ZNF385D: variants seen among roughly 807,000 people sequenced by gnomAD.
The protein encoded by ZNF385D is zinc finger protein 659.
Under a neutral mutation model 35.8 loss-of-function variants are expected in ZNF385D, and 15 were observed. That is an observed-to-expected ratio of 0.42 (90% CI 0.28 to 0.64). ZNF385D has a LOEUF of 0.64. Among genes scored for constraint, ZNF385D ranks in the 30% least tolerant of loss-of-function variants. The pLI is 0.23. For synonymous variants in ZNF385D, 212 were observed against 186.8 expected (o/e 1.13, Z -1.10); for missense variants, 474 against 494.6 (o/e 0.96, Z 0.39).
At chr3:21,926,477 T>C (rs1700735596) in intron 3 of ZNF385D, among the ~76,000 whole-genome samples, 1 of 152,202 alleles carries the variant, frequency 6.6e-6, no homozygotes, top group Admixed American at 6.5e-5. Context: ...TCCTTTTTTA[T>C]GGCTGCATAG....
chr3:21,761,561 A>G (rs1180878240), intron 3 of ZNF385D, among the ~76,000 whole-genome samples: 1 of 152,148 alleles, frequency 6.6e-6, no homozygotes, highest in Non-Finnish European at 1.5e-5. Flanking sequence ...AAGGTCATCA[A>G]TCAATGCAAG....
At chr3:22,112,854 CAG>C (rs1702609030) in intron 3 of ZNF385D, among the ~76,000 whole-genome samples, 2 of 151,224 alleles carry the variant, frequency 1.3e-5, no homozygotes, top group Admixed American at 1.3e-4. Context: ...GGAAAAAAAA[CAG>C]AAGCAATTTT....
chr3:22,177,853 G>A (rs1312831587), intron 2 of ZNF385D, among the ~76,000 whole-genome samples: 1 of 152,048 alleles, frequency 6.6e-6, no homozygotes, highest in Non-Finnish European at 1.5e-5. Flanking sequence ...TTGTCCTTGT[G>A]ATAGTTTGCT....
rs539056219 is a variant in ZNF385D, at chr3:22,062,064, G to A, written c.325+106753C>T. 2.0e-5 allele frequency among the ~76,000 whole-genome samples: 3 copies of A among 152,158 alleles called. No individual in the cohort carries two copies. The South Asian group carries it at 6.2e-4, about 32-fold the overall frequency. On this transcript the variant is annotated intron_variant, in intron 3 of 5. Coordinates refer to the ZNF385D transcript ENST00000494108. ...AATTTTAATTTATTTTTGAGGCAAG[G>A]TCTTGTTCTGTTGCCCAGGCTGGAG... is the stretch of plus-strand genomic sequence containing the variant.
intron 3 of ZNF385D, among the ~76,000 whole-genome samples, chr3:21,796,079 G>A (rs2072137879): frequency 6.6e-6 from 1 of 152,178 alleles, no homozygotes; most frequent in African/African-American, 2.4e-5. Context: ...TTTGGATCTC[G>A]ACACTATGAA....
chr3:21,992,793 AT>A (rs1311122501), intron 3 of ZNF385D, among the ~76,000 whole-genome samples: 2 of 152,112 alleles, frequency 1.3e-5, no homozygotes, highest in Non-Finnish European at 2.9e-5. Context: ...CTTGTTAAAT[AT>A]TTATGTTGTT....
chr3:22,004,693 A>G lies in ZNF385D; in HGVS notation c.325+164124T>C, dbSNP rs115596281. ...CAAAGGACAGACAGAACTCAAAGTC[A>G]TCCTTCTGCTCACTGAGATAAATGC... On this transcript the variant is annotated intron_variant, in intron 3 of 5. Coordinates refer to the ZNF385D transcript ENST00000494108. Among the ~76,000 whole-genome samples the G allele has an allele frequency of 7.5e-3, 1,145 of 152,308 alleles. 6 individuals carry two copies. Among genetic ancestry groups the G allele is most frequent in the South Asian group, 0.012 (59 of 4,830 alleles).
Position 21,624,196 on chromosome 3 carries a change from T to A in ZNF385D, c.165+40690A>T, listed in dbSNP as rs569240412. Among the ~76,000 whole-genome samples the A allele has an allele frequency of 3.3e-5, 5 of 152,216 alleles. No homozygotes were observed. In the South Asian group the frequency reaches 8.3e-4, roughly 25 times the overall value. The stretch of plus-strand genomic sequence containing the variant: ...ATGCCTCTATTCATAAAAGTGCTCT[T>A]GATTGCCATCACAACACAGTTTTGG... On this transcript the variant is annotated intron_variant, in intron 2 of 7. Coordinates refer to ENST00000281523, the MANE Select transcript of ZNF385D (RefSeq NM_024697.3).
chr3:22,253,782 T>A (rs1559480904), intron 2 of ZNF385D, among the ~76,000 whole-genome samples: 6 of 151,942 alleles, frequency 3.9e-5, no homozygotes, highest in Non-Finnish European at 8.8e-5. Context: ...TGAAGCAGTA[T>A]AGCATTAGTA....
intron 1 of ZNF385D, among the ~76,000 whole-genome samples, chr3:21,673,176 T>C (rs992672811): frequency 7.2e-5 from 11 of 152,160 alleles, no homozygotes; most frequent in Admixed American, 5.2e-4. Flanking sequence ...AGAGGTATCA[T>C]GCTGGGATGT....
At chr3:22,035,383 G>A (rs1466713699) in intron 3 of ZNF385D, among the ~76,000 whole-genome samples, 1 of 152,140 alleles carries the variant, frequency 6.6e-6, no homozygotes, top group Non-Finnish European at 1.5e-5. Context: ...TAAGCAAAAT[G>A]TTGCACTAAA....
chr3:22,166,073 C>T (rs900574534), intron 3 of ZNF385D, among the ~76,000 whole-genome samples: 1 of 127,588 alleles, frequency 7.8e-6, no homozygotes. Flanking sequence ...CCATTCTTGA[C>T]TTTTCTCATC....
At chr3:21,632,874 C>A (rs1258220017) in intron 2 of ZNF385D, among the ~76,000 whole-genome samples, 1 of 152,050 alleles carries the variant, frequency 6.6e-6, no homozygotes, top group Non-Finnish European at 1.5e-5. Context: ...GTATCTTAGT[C>A]AAATAACATA....
chr3:21,876,481 C>A (rs1035487568), intron 3 of ZNF385D, among the ~76,000 whole-genome samples: 1 of 151,294 alleles, frequency 6.6e-6, no homozygotes, highest in African/African-American at 2.4e-5. Context: ...TATATATATT[C>A]TTTTGACTAA....
chr3:22,029,870 G>C (rs1446950912), intron 3 of ZNF385D, among the ~76,000 whole-genome samples: 4 of 152,032 alleles, frequency 2.6e-5, no homozygotes, highest in African/African-American at 4.8e-5. Context: ...GGGTGGACTT[G>C]TGATGGTTAA....
At chr3:21,885,901 G>T (rs1698523176) in intron 3 of ZNF385D, among the ~76,000 whole-genome samples, 1 of 151,952 alleles carries the variant, frequency 6.6e-6, no homozygotes, top group Non-Finnish European at 1.5e-5. Flanking sequence ...CTCAGTGGAG[G>T]TCAGTCTTTG....
Position 21,841,872 on chromosome 3 carries a change from ATTCT to A in ZNF385D, c.326-176848_326-176845del, listed in dbSNP as rs1433458229. ...GTGCCTTTATACTTTTTTTGTTTCT[ATTCT>A]TTCTCTAACAAGTCACGCCTCAGAA... On this transcript the variant is annotated intron_variant, in intron 3 of 5. Transcript: ENST00000494108. Among the ~76,000 whole-genome samples the A allele has an allele frequency of 2.8e-4, 43 of 151,642 alleles. No homozygotes were observed. In the East Asian group the frequency reaches 6.0e-3, roughly 21 times the overall value.
chr3:21,815,496 A>T (rs1010476110), intron 3 of ZNF385D, among the ~76,000 whole-genome samples: 5 of 152,230 alleles, frequency 3.3e-5, no homozygotes, highest in Non-Finnish European at 7.3e-5. Context: ...GATAAAGGGG[A>T]TATCACCACT....
At chr3:21,925,855 T>C (rs112522106) in intron 3 of ZNF385D, among the ~76,000 whole-genome samples, 1 of 152,104 alleles carries the variant, frequency 6.6e-6, no homozygotes, top group Non-Finnish European at 1.5e-5. Flanking sequence ...GATATACAGA[T>C]GACAAATACA....
Sources: allele counts gnomAD v4.1 joint callset (sites outside exome capture counted in the v4.1 genomes callset), GRCh38; gene constraint gnomAD v4.1.1; transcripts MANE v1.5; gene names NCBI Gene and HGNC (gene_info 2026-07-23, HGNC 2026-07-21).